Variants in RPL26 observed in about 807,000 individuals in gnomAD.
RPL26 encodes large ribosomal subunit protein uL24.
In RPL26, 1 loss-of-function variant was observed where a neutral mutation model predicts 16.2. The observed-to-expected ratio is 0.06, with a 90% CI of 0.02 to 0.29. The LOEUF (loss-of-function observed/expected upper bound fraction) is 0.29, where lower values mean the gene tolerates loss of function less well. Ranked by LOEUF, RPL26 falls within the 10% of genes least tolerant of loss-of-function variation. The pLI is 1.00. For missense variants in RPL26, 102 were observed against 184.3 expected (o/e 0.55, Z 2.58); for synonymous variants, 55 against 62.4 (o/e 0.88, Z 0.56).
Position 8,382,220 on chromosome 17 carries a change from A to T in RPL26, c.91T>A (p.Ser31Thr). The change falls in exon 2 of 4, where the codon TCT becomes ACT. Residue 31 changes from serine to threonine, a missense_variant. Transcript: ENST00000648839. ...CTCAGCTCTTTGGAAAGAGGGGAAG[A>T]CATAATCTTCCTTCGAATGTGGGAA... ...APSHIRRKIM[S>T]SPLSKELRQK... 6.2e-7 allele frequency: 1 copy of T among 1,613,924 alleles called. No individual in the cohort carries two copies. The highest frequency in any genetic ancestry group is 8.5e-7 in the Non-Finnish European group (1 of 1,179,800).
chr17:8,380,042 G>A (rs1907339959), intron 2 of RPL26, 106 bp from the exon 3 acceptor site: 20 of 970,482 alleles, frequency 2.1e-5, no homozygotes, highest in South Asian at 1.3e-4. Context: ...TATATTAAAA[G>A]GTTAAAAAAA....
At chr17:8,379,554 AAAGAGC>A (rs1907317595) in intron 3 of RPL26, 4 of 558,908 alleles carry the variant, frequency 7.2e-6, no homozygotes, top group Admixed American at 3.4e-5. Context: ...GGCCTGGGTG[AAAGAGC>A]AAGACTGTCT....
chr17:8,380,954 A>C (rs982595920), intron 2 of RPL26: 7 of 152,204 alleles, frequency 4.6e-5, no homozygotes, highest in African/African-American at 1.4e-4. Flanking sequence ...CAAGACTAGA[A>C]ATTACAGTTT....
At chr17:8,380,116 C>G (rs760108774) in intron 2 of RPL26, 180 bp from the exon 3 acceptor site, 75 of 577,664 alleles carry the variant, frequency 1.3e-4, no homozygotes, top group Non-Finnish European at 2.2e-4. Flanking sequence ...ATCTCAAAAG[C>G]AGCAACAGAC....
At position 8,382,072 on chromosome 17, in the gene RPL26, A is replaced by T. The variant is rs1037033279; in HGVS notation, c.168+71T>A. ...AGTCTCAGAAGCATCTTTCTCAGGA[A>T]TGCAATCTCTCTTCTAAGCTAAGTG... On this transcript the variant is annotated intron_variant, in intron 2 of 3. Coordinates refer to ENST00000648839, the MANE Select transcript of RPL26 (RefSeq NM_000987.5). 3 of 1,341,292 alleles carry T rather than the reference A, an allele frequency of 2.2e-6. No individual in the cohort carries two copies. In the African/African-American group the frequency reaches 4.4e-5, roughly 19 times the overall value. 83.1% of individuals were successfully genotyped at this position (1,341,292 alleles called of 1,614,324 possible). A position where few individuals can be genotyped will look rare whatever the true frequency, so the allele number is the denominator to read the frequency against.
intron 3 of RPL26, among the ~76,000 whole-genome samples, chr17:8,378,765 TTCTAGTATAG>T (rs902002032): frequency 2.6e-5 from 4 of 152,208 alleles, no homozygotes; most frequent in Admixed American, 1.3e-4. Context: ...TGAACTCATA[TTCTAGTATAG>T]GGAGCCCGAA....
chr17:8,382,092 T>C, intron 2 of RPL26, 51 bp downstream of exon 2: 1 of 1,489,716 alleles, frequency 6.7e-7, no homozygotes, highest in Non-Finnish European at 9.3e-7. Flanking sequence ...TCTTCTAAGC[T>C]AAGTGCGTAA....
At chr17:8,379,965 T>A in intron 2 of RPL26, 29 bp from the exon 3 acceptor site, 1 of 1,588,484 alleles carries the variant, frequency 6.3e-7, no homozygotes, top group Non-Finnish European at 8.6e-7. Flanking sequence ...GTAACAAATA[T>A]TTGAATAAAA....
intron 1 of RPL26, chr17:8,382,574 A>G: frequency 2.4e-6 from 1 of 416,008 alleles, no homozygotes; most frequent in Non-Finnish European, 4.3e-6. Flanking sequence ...CCTAGTTATA[A>G]GACCTTTTAG....
At chr17:8,380,232 G>C (rs1455890928) in intron 2 of RPL26, 4 of 329,674 alleles carry the variant, frequency 1.2e-5, no homozygotes, top group African/African-American at 6.4e-5. Flanking sequence ...AAAGGTTAGT[G>C]GACAGGAATC....
At chr17:8,382,994 C>T (rs1907498166) in intron 1 of RPL26, 163 bp downstream of exon 1, 1 of 398,580 alleles carries the variant, frequency 2.5e-6, no homozygotes, top group South Asian at 1.3e-4. Flanking sequence ...TCCGGCCCGG[C>T]GGCCCTTGAT....
In RPL26 at chr17:8,379,560, C is replaced by A. The variant is rs945953920; in HGVS notation, c.309+236G>T. ...CTGCACTCCGGCCTGGGTGAAAGAGCAAGACTGTCTCAAAAACAAACTAAC... is the reference window on the plus strand; with the variant it reads ...CTGCACTCCGGCCTGGGTGAAAGAGAAAGACTGTCTCAAAAACAAACTAAC... On this transcript the variant is annotated intron_variant, in intron 3 of 3. Transcript: ENST00000648839. 5 of 572,840 alleles carry A rather than the reference C, an allele frequency of 8.7e-6. No homozygotes were observed. The Middle Eastern group carries it at 2.3e-3, about 261-fold the overall frequency. The allele number at this position is 572,840 out of a possible 1,614,324, so 35.5% of individuals were successfully genotyped here. A position where few individuals can be genotyped will look rare whatever the true frequency, so the allele number is the denominator to read the frequency against.
Position 8,382,329 on chromosome 17 carries a change from TA to T in RPL26, c.-5-15del, listed in dbSNP as rs533883480. On this transcript the variant is annotated splice_polypyrimidine_tract_variant and intron_variant, in intron 1 of 3. Coordinates refer to ENST00000648839, the MANE Select transcript of RPL26 (RefSeq NM_000987.5). The stretch of plus-strand genomic sequence containing the variant: ...ACTTCATTTTGGCTAAATAAAAAGT[TA>T]AAAAGACTCTTAAATGACCAAAATC... 5 of 1,598,656 alleles carry T rather than the reference TA, an allele frequency of 3.1e-6. No homozygotes were observed. Among genetic ancestry groups the T allele is most frequent in the African/African-American group, 2.7e-5 (2 of 74,400 alleles).
intron 3 of RPL26, among the ~76,000 whole-genome samples, chr17:8,378,483 ACT>A (rs1567703925): frequency 6.6e-6 from 1 of 152,042 alleles, no homozygotes; most frequent in African/African-American, 2.4e-5. Context: ...CAAGAGCAAA[ACT>A]CTGTCCAAAA....
intron 2 of RPL26, chr17:8,381,907 G>T (rs1434421173): frequency 5.5e-6 from 2 of 366,296 alleles, no homozygotes; most frequent in Non-Finnish European, 4.9e-6. Flanking sequence ...CCAGCCTGGG[G>T]GGGACAAGAG....
In RPL26 at chr17:8,379,899, T is replaced by C; in HGVS notation, c.206A>G (p.Lys69Arg). 1 of 1,613,704 alleles carries C rather than the reference T, an allele frequency of 6.2e-7. No individual in the cohort carries two copies. Among genetic ancestry groups the C allele is most frequent in the Non-Finnish European group, 8.5e-7 (1 of 1,179,660 alleles). ...RGHYKGQQIG[K>R]VVQVYRKKYV... ...TTTCTTCCTGTAAACCTGGACTACT[T>C]TGCCAATTTGCTGACCTTTATAGTG... The change falls in exon 3 of 4, where the codon AAA (lysine) becomes AGA (arginine). Residue 69 changes from lysine (K) to arginine (R), a missense_variant. Transcript: ENST00000648839.
At chr17:8,381,622 T>TG (rs987332853) in intron 2 of RPL26, among the ~76,000 whole-genome samples, 3 of 152,086 alleles carry the variant, frequency 2.0e-5, no homozygotes, top group Non-Finnish European at 4.4e-5. Flanking sequence ...CACTCCAGTC[T>TG]GGGTAAGAGT....
chr17:8,380,208 A>G (rs985944643), intron 2 of RPL26: 1 of 358,820 alleles, frequency 2.8e-6, no homozygotes, highest in East Asian at 4.4e-5. Context: ...AACGGAACAA[A>G]CCAATTCTTT....
chr17:8,380,043 G>A, intron 2 of RPL26, 107 bp from the exon 3 acceptor site: 1 of 971,220 alleles, frequency 1.0e-6, no homozygotes, highest in Non-Finnish European at 1.5e-6. Context: ...ATATTAAAAG[G>A]TTAAAAAAAA....
Sources: allele counts gnomAD v4.1 joint callset (sites outside exome capture counted in the v4.1 genomes callset), GRCh38; gene constraint gnomAD v4.1.1; transcripts MANE v1.5; gene names NCBI Gene and HGNC (gene_info 2026-07-23, HGNC 2026-07-21).